The following GPC6 variants were observed in gnomAD, a reference collection of about 807,000 sequenced individuals.
The protein encoded by GPC6 is glypican-6.
In GPC6, 14 loss-of-function variants were observed where a neutral mutation model predicts 55.2. That is an observed-to-expected ratio of 0.25 (90% CI 0.17 to 0.40). The LOEUF (loss-of-function observed/expected upper bound fraction) is 0.40, where lower values mean the gene tolerates loss of function less well. GPC6 is among the 10% of genes least tolerant of loss of function. The probability of loss-of-function intolerance (pLI) is 1.00; values close to 1 mark genes in which losing one functional copy is unlikely to be tolerated. For missense variants in GPC6, 641 were observed against 708.5 expected (o/e 0.90, Z 1.08); for synonymous variants, 278 against 259.6 (o/e 1.07, Z -0.68).
At chr13:93,614,725 G>T (rs909985622) in intron 2 of GPC6, among the ~76,000 whole-genome samples, 2 of 151,972 alleles carry the variant, frequency 1.3e-5, no homozygotes, top group Non-Finnish European at 2.9e-5. Flanking sequence ...AAAGGAAAGG[G>T]TGCTATAGAA....
At chr13:93,242,775 G>A (rs983537432) in intron 1 of GPC6, among the ~76,000 whole-genome samples, 1 of 152,028 alleles carries the variant, frequency 6.6e-6, no homozygotes, top group Non-Finnish European at 1.5e-5. Context: ...GTGCTCCCTT[G>A]GTATGATGCA....
intron 4 of GPC6, among the ~76,000 whole-genome samples, chr13:94,165,286 A>T (rs1594010301): frequency 1.3e-5 from 2 of 148,928 alleles, no homozygotes; most frequent in East Asian, 1.9e-4. Flanking sequence ...ATATATATAT[A>T]TATATACATA....
chr13:93,246,588 A>G (rs1594050590), intron 1 of GPC6, among the ~76,000 whole-genome samples: 2 of 152,070 alleles, frequency 1.3e-5, no homozygotes, highest in East Asian at 1.9e-4. Context: ...AAAAGCCACT[A>G]TGATTGAGAC....
At chr13:93,244,222 C>T (rs1031855256) in intron 1 of GPC6, among the ~76,000 whole-genome samples, 12 of 152,208 alleles carry the variant, frequency 7.9e-5, no homozygotes, top group African/African-American at 2.9e-4. Flanking sequence ...AGCTCCCATG[C>T]CTTTGACAAG....
At chr13:94,008,579 G>A (rs1032691779) in intron 3 of GPC6, among the ~76,000 whole-genome samples, 29 of 152,180 alleles carry the variant, frequency 1.9e-4, no homozygotes, top group African/African-American at 6.5e-4. Context: ...TTGAACCCAG[G>A]AAGCAGAGGT....
At chr13:94,134,441 C>T (rs964654914) in intron 4 of GPC6, among the ~76,000 whole-genome samples, 7 of 152,166 alleles carry the variant, frequency 4.6e-5, no homozygotes, top group Non-Finnish European at 1.0e-4. Flanking sequence ...AAATTTAGAT[C>T]CCCCAGAAGA....
At position 93,268,152 on chromosome 13, in the gene GPC6, GA is replaced by G. The variant is rs1157637759; in HGVS notation, c.160+40542del. Among the ~76,000 whole-genome samples, 6 of 152,210 alleles carry G rather than the reference GA, an allele frequency of 3.9e-5. No individual in the cohort carries two copies. The East Asian group carries it at 5.8e-4, about 15-fold the overall frequency. On this transcript the variant is annotated intron_variant, in intron 1 of 8. Coordinates refer to ENST00000377047, the MANE Select transcript of GPC6 (RefSeq NM_005708.5). ...AGTGGGTTATATGCATTTCTATAGG[GA>G]AAAAATAATTATGAGAGGATTATTT...
At chr13:94,219,352 T>C (rs555957362) in intron 4 of GPC6, among the ~76,000 whole-genome samples, 2 of 152,304 alleles carry the variant, frequency 1.3e-5, no homozygotes, top group Admixed American at 1.3e-4. Context: ...TCAGTGCTAG[T>C]ACCCACATGG....
chr13:94,367,252 A>G (rs1372395111), intron 6 of GPC6, among the ~76,000 whole-genome samples: 1 of 152,258 alleles, frequency 6.6e-6, no homozygotes, highest in Admixed American at 6.5e-5. Context: ...TTGAAAAGTA[A>G]ATAGTGCCAC....
chr13:93,466,008 C>T (rs1030191003), intron 1 of GPC6, among the ~76,000 whole-genome samples: 4 of 152,002 alleles, frequency 2.6e-5, no homozygotes, highest in Non-Finnish European at 5.9e-5. Context: ...CCAGTCAGAA[C>T]ACAGAAATTA....
chr13:93,902,690 C>G (rs1035849828), intron 3 of GPC6, among the ~76,000 whole-genome samples: 1 of 152,194 alleles, frequency 6.6e-6, no homozygotes, highest in Non-Finnish European at 1.5e-5. Context: ...CCTTTCTCCA[C>G]ATCTCCACCA....
chr13:94,274,155 T>C (rs757435680), intron 4 of GPC6, among the ~76,000 whole-genome samples: 5 of 152,236 alleles, frequency 3.3e-5, no homozygotes, highest in Admixed American at 6.5e-5. Context: ...ATGAATCCTG[T>C]AGATTCTAAT....
intron 2 of GPC6, among the ~76,000 whole-genome samples, chr13:93,569,751 A>G (rs187560212): frequency 1.4e-3 from 217 of 152,282 alleles, no homozygotes; most frequent in Non-Finnish European, 2.4e-3. Context: ...TGTTATTTGT[A>G]TACTTTTTGT....
chr13:94,245,295 A>G (rs1021506722), intron 4 of GPC6, among the ~76,000 whole-genome samples: 41 of 152,040 alleles, frequency 2.7e-4, no homozygotes, highest in Non-Finnish European at 3.8e-4. Context: ...GTGGTGGCTC[A>G]TGCTTGTAAT....
intron 1 of GPC6, among the ~76,000 whole-genome samples, chr13:93,539,574 G>GT (rs1474826371): frequency 2.6e-5 from 4 of 152,098 alleles, no homozygotes; most frequent in Non-Finnish European, 4.4e-5. Flanking sequence ...CTATAATAAG[G>GT]TAATTCTCTA....
chr13:93,285,782 T>G (rs900796680), intron 1 of GPC6, among the ~76,000 whole-genome samples: 8 of 152,014 alleles, frequency 5.3e-5, no homozygotes, highest in Non-Finnish European at 1.0e-4. Context: ...GTATGAAAAT[T>G]ATAGGAACAA....
intron 7 of GPC6, among the ~76,000 whole-genome samples, chr13:94,392,904 C>T (rs1424269638): frequency 1.3e-5 from 2 of 151,762 alleles, no homozygotes; most frequent in East Asian, 3.9e-4. Context: ...TGAGCCACTG[C>T]ACCCGGCCCT....
chr13:94,186,512 A>G (rs1889192571), intron 4 of GPC6, among the ~76,000 whole-genome samples: 2 of 152,134 alleles, frequency 1.3e-5, no homozygotes, highest in African/African-American at 2.4e-5. Context: ...TCAATTTTAC[A>G]AATAACATAA....
chr13:94,127,472 G>A (rs1886859820), intron 4 of GPC6, among the ~76,000 whole-genome samples: 1 of 152,016 alleles, frequency 6.6e-6, no homozygotes, highest in South Asian at 2.1e-4. Flanking sequence ...GCTTCCTGAG[G>A]CCTCCCCAGA....
Sources: allele counts gnomAD v4.1 joint callset (sites outside exome capture counted in the v4.1 genomes callset), GRCh38; gene constraint gnomAD v4.1.1; transcripts MANE v1.5; gene names NCBI Gene and HGNC (gene_info 2026-07-23, HGNC 2026-07-21).